The following CACNB2 variants were observed in gnomAD, a reference collection of about 807,000 sequenced individuals.
The protein encoded by CACNB2 is calcium voltage-gated channel auxiliary subunit beta 2.
A neutral mutation model predicts 73.3 loss-of-function variants in CACNB2; 42 were observed. The observed-to-expected ratio is 0.57, with a 90% CI of 0.45 to 0.74. The LOEUF (loss-of-function observed/expected upper bound fraction) is 0.74. Among genes scored for constraint, CACNB2 ranks in the 30% least tolerant of loss-of-function variants. The pLI is 0.00. For missense variants in CACNB2, 940 were observed against 853.0 expected, an observed-to-expected ratio of 1.10 and a Z score of -1.27; for synonymous variants, 348 against 310.3, an observed-to-expected ratio of 1.12 and a Z score of -1.28.
At chr10:18,357,639 T>C (rs1316301102) in intron 2 of CACNB2, among the ~76,000 whole-genome samples, 1 of 152,252 alleles carries the variant, frequency 6.6e-6, no homozygotes, top group Non-Finnish European at 1.5e-5. Flanking sequence ...GCGAAAAGAC[T>C]TGTACTCATA....
At chr10:18,191,467 T>TG (rs1389367953) in intron 2 of CACNB2, among the ~76,000 whole-genome samples, 1 of 152,186 alleles carries the variant, frequency 6.6e-6, no homozygotes, top group African/African-American at 2.4e-5. Context: ...CATAAGTTAT[T>TG]GGGGTACAGG....
chr10:18,319,358 G>T (rs927280930), intron 2 of CACNB2, among the ~76,000 whole-genome samples: 3 of 152,038 alleles, frequency 2.0e-5, no homozygotes, highest in African/African-American at 7.2e-5. Context: ...CAGAAAACCA[G>T]ACACTGCATG....
Position 18,283,431 on chromosome 10 carries a change from C to A in CACNB2, c.214-118493C>A, listed in dbSNP as rs371029666. Among the ~76,000 whole-genome samples the A allele has an allele frequency of 1.4e-4, 22 of 152,078 alleles. No individual in the cohort carries two copies. The East Asian group carries it at 2.9e-3, about 20-fold the overall frequency. On this transcript the variant is annotated intron_variant, in intron 2 of 13. Transcript: ENST00000324631. ...ACTTGGAACCAACCCTTATGTCCAC[C>A]AATGATAGGCTGGATTAAGAAAATG...
chr10:18,410,583 A>G (rs1248072658), intron 3 of CACNB2, among the ~76,000 whole-genome samples: 2 of 152,224 alleles, frequency 1.3e-5, no homozygotes, highest in African/African-American at 4.8e-5. Context: ...AGAAATATAC[A>G]CATATGTCTA....
At chr10:18,169,951 C>T (rs2131143659) in intron 2 of CACNB2, among the ~76,000 whole-genome samples, 1 of 152,328 alleles carries the variant, frequency 6.6e-6, no homozygotes, top group African/African-American at 2.4e-5. Flanking sequence ...CTTTCCATCT[C>T]TGGCCTCTAC....
chr10:18,468,286 C>T (rs11816379), intron 3 of CACNB2, among the ~76,000 whole-genome samples: 2 of 152,140 alleles, frequency 1.3e-5, no homozygotes, highest in Non-Finnish European at 2.9e-5. Flanking sequence ...GGCGAAAACC[C>T]ATCTCCACAA....
In CACNB2 at chr10:18,542,499, T is replaced by G. The variant is rs1053678766; in HGVS notation, c.*2775T>G. ...ATTTAAATTCTTGAAACATAGCTAGTATTTATCTTACTTGCTGCTATCATT... is the reference window on the plus strand; with the variant it reads ...ATTTAAATTCTTGAAACATAGCTAGGATTTATCTTACTTGCTGCTATCATT... On this transcript the variant is annotated 3_prime_UTR_variant, in exon 14 of 14. Coordinates refer to ENST00000324631, the MANE Select transcript of CACNB2 (RefSeq NM_201596.3). 6.6e-6 allele frequency: 1 copy of G among 152,244 alleles called. No individual in the cohort carries two copies. Among genetic ancestry groups the G allele is most frequent in the Admixed American group, 6.5e-5 (1 of 15,282 alleles). 9.4% of individuals were successfully genotyped at this position (152,244 alleles called of 1,614,324 possible). A position where few individuals can be genotyped will look rare whatever the true frequency, so the allele number is the denominator to read the frequency against.
chr10:18,189,764 A>ACATATTGCCAACTTTTCCTCCTAG (rs1243540727), intron 2 of CACNB2, among the ~76,000 whole-genome samples: 1 of 152,178 alleles, frequency 6.6e-6, no homozygotes, highest in Admixed American at 6.6e-5. Flanking sequence ...AGCTTTTGTT[A>ACATATTGCCAACTTTTCCTCCTAG]CATATTGCCA....
intron 2 of CACNB2, among the ~76,000 whole-genome samples, chr10:18,347,407 T>C (rs2041510848): frequency 1.3e-5 from 2 of 149,194 alleles, no homozygotes; most frequent in African/African-American, 4.9e-5. Flanking sequence ...CCCAGGCTTG[T>C]CACGAACTCC....
chr10:18,163,012 G>A (rs1056680782), intron 2 of CACNB2, among the ~76,000 whole-genome samples: 1 of 152,142 alleles, frequency 6.6e-6, no homozygotes, highest in African/African-American at 2.4e-5. Context: ...AAGCTTACAA[G>A]GGCACCAGGC....
chr10:18,449,536 A>G (rs904344054), intron 3 of CACNB2, among the ~76,000 whole-genome samples: 1 of 152,234 alleles, frequency 6.6e-6, no homozygotes, highest in Non-Finnish European at 1.5e-5. Context: ...AGAACCGTAG[A>G]TACTTACATC....
chr10:18,432,105 T>C (rs2045917394), intron 3 of CACNB2, among the ~76,000 whole-genome samples: 1 of 152,212 alleles, frequency 6.6e-6, no homozygotes, highest in Admixed American at 6.5e-5. Flanking sequence ...CAATTAATTT[T>C]AGAAATAGAG....
chr10:18,227,751 G>A (rs1453579890), intron 2 of CACNB2, among the ~76,000 whole-genome samples: 2 of 152,198 alleles, frequency 1.3e-5, no homozygotes, highest in Non-Finnish European at 2.9e-5. Flanking sequence ...AGACAAGTAT[G>A]CTGCGTGCCT....
At chr10:18,443,020 A>ATATATATATATGTATATATATATG (rs2046547343) in intron 3 of CACNB2, among the ~76,000 whole-genome samples, 1 of 107,086 alleles carries the variant, frequency 9.3e-6, no homozygotes, top group Non-Finnish European at 1.8e-5. Context: ...ATATGTATAT[A>ATATATATATATGTATATATATATG]TATATATATA....
At chr10:18,166,587 C>T (rs2032867338) in intron 2 of CACNB2, among the ~76,000 whole-genome samples, 1 of 152,138 alleles carries the variant, frequency 6.6e-6, no homozygotes, top group Non-Finnish European at 1.5e-5. Context: ...AGATTAGATA[C>T]CCTTTATTAT....
intron 2 of CACNB2, among the ~76,000 whole-genome samples, chr10:18,312,846 T>C (rs527506866): frequency 2.0e-4 from 30 of 152,316 alleles, no homozygotes; most frequent in African/African-American, 6.5e-4. Flanking sequence ...AGAGTTTTAG[T>C]GCGTTCTCCT....
At chr10:18,289,236 G>T (rs1444616337) in intron 2 of CACNB2, among the ~76,000 whole-genome samples, 1 of 148,658 alleles carries the variant, frequency 6.7e-6, no homozygotes, top group Non-Finnish European at 1.5e-5. Flanking sequence ...AAAAAATCCA[G>T]AATCATTCAA....
chr10:18,226,408 G>C (rs2131420854), intron 2 of CACNB2, among the ~76,000 whole-genome samples: 1 of 152,304 alleles, frequency 6.6e-6, no homozygotes, highest in South Asian at 2.1e-4. Context: ...AGCTTTGTAA[G>C]AGTTACAGTG....
intron 2 of CACNB2, among the ~76,000 whole-genome samples, chr10:18,241,485 A>G (rs1248271619): frequency 6.6e-6 from 1 of 152,082 alleles, no homozygotes; most frequent in Non-Finnish European, 1.5e-5. Flanking sequence ...CCTAATGTAG[A>G]TGACGGGTTG....
Sources: allele counts gnomAD v4.1 joint callset (sites outside exome capture counted in the v4.1 genomes callset), GRCh38; gene constraint gnomAD v4.1.1; transcripts MANE v1.5; gene names NCBI Gene and HGNC (gene_info 2026-07-23, HGNC 2026-07-21).